Variants in EVC2 observed in about 807,000 individuals in gnomAD.
EVC2 encodes the protein limbin.
A neutral mutation model predicts 149.3 loss-of-function variants in EVC2; 148 were observed. The ratio of observed to expected loss-of-function variants is 0.99; its 90% confidence interval spans 0.87 to 1.14. The LOEUF (loss-of-function observed/expected upper bound fraction) is 1.14, where lower values mean the gene tolerates loss of function less well. Among genes scored for constraint, EVC2 ranks in the 50% most tolerant of loss-of-function variants. The probability of loss-of-function intolerance (pLI) is 0.00; values close to 1 mark genes in which losing one functional copy is unlikely to be tolerated. For missense variants in EVC2, 1,854 were observed against 1,627.3 expected, an observed-to-expected ratio of 1.14 and a Z score of -2.40; for synonymous variants, 776 against 649.9, an observed-to-expected ratio of 1.19 and a Z score of -2.95.
chr4:5,690,267 C>T (rs888228085), intron 4 of EVC2, among the ~76,000 whole-genome samples: 2 of 152,194 alleles, frequency 1.3e-5, no homozygotes, highest in African/African-American at 4.8e-5. Flanking sequence ...GAGGGTGGCA[C>T]AGGAAAGGCT....
Position 5,633,792 on chromosome 4 carries a change from C to A in EVC2, c.1471-1760G>T, listed in dbSNP as rs1474352096. Among the ~76,000 whole-genome samples the A allele has an allele frequency of 6.6e-6, 1 of 152,250 alleles. No individual in the cohort carries two copies. The highest frequency in any genetic ancestry group is 2.4e-5 in the African/African-American group (1 of 41,464). On this transcript the variant is annotated intron_variant, in intron 10 of 21. Coordinates refer to ENST00000344408, the MANE Select transcript of EVC2 (RefSeq NM_147127.5). This position sits in a 1 kb window ranked among gnomAD's most constrained non-coding sequence, Gnocchi z 4.4. ...CAAGGTTGGAATGCTCTATCACCCA[C>A]CAGAATTCTCTGGTTTCAGTAAATA...
At chr4:5,589,988 G>T (rs1446028291) in intron 16 of EVC2, among the ~76,000 whole-genome samples, 1 of 152,146 alleles carries the variant, frequency 6.6e-6, no homozygotes, top group Non-Finnish European at 1.5e-5. Flanking sequence ...AAGAGAAGGT[G>T]GAGGGGTCAG....
At chr4:5,705,794 T>C (rs1577280124) in intron 1 of EVC2, among the ~76,000 whole-genome samples, 2 of 151,990 alleles carry the variant, frequency 1.3e-5, no homozygotes, top group Admixed American at 6.6e-5. Context: ...ACTGTGAAAA[T>C]AGCTGTGACT....
chr4:5,615,692 G>T, intron 15 of EVC2, 148 bp from the exon 16 acceptor site: 3 of 1,178,798 alleles, frequency 2.5e-6, no homozygotes, highest in Middle Eastern at 2.5e-4. Context: ...GAGGAGAGAG[G>T]TATGTTCTTC....
At chr4:5,630,882 G>T (rs1177211816) in intron 11 of EVC2, among the ~76,000 whole-genome samples, 1 of 152,198 alleles carries the variant, frequency 6.6e-6, no homozygotes, top group South Asian at 2.1e-4. Context: ...ATAAGAGTTT[G>T]CTCACAATTA....
chr4:5,669,329 G>A lies in EVC2; in HGVS notation c.871-3680C>T, dbSNP rs868669884. 3.3e-5 allele frequency among the ~76,000 whole-genome samples: 5 copies of A among 152,292 alleles called. No homozygotes were observed. In the Middle Eastern group the frequency reaches 0.01, roughly 311 times the overall value. ...AATCTTCTGTAATCCTGTGGAACAC[G>A]TATCATCCCTGTTCTACTGATAGAC... On this transcript the variant is annotated intron_variant, in intron 7 of 21. Coordinates refer to ENST00000344408, the MANE Select transcript of EVC2 (RefSeq NM_147127.5).
chr4:5,556,304 G>A lies in EVC2; in HGVS notation c.3419+8954C>T, dbSNP rs189224434. ...TAAAGGGAAATAAACAGAATATAGC[G>A]TAATATATTCAGATTAAATAACACA... On this transcript the variant is annotated intron_variant and NMD_transcript_variant, in intron 21 of 22. Coordinates refer to the EVC2 transcript ENST00000475313. Among the ~76,000 whole-genome samples the A allele has an allele frequency of 8.1e-4, 123 of 151,128 alleles. 1 individual carries two copies. The highest frequency in any genetic ancestry group is 1.9e-3 in the Admixed American group (29 of 15,170).
chr4:5,658,068 T>G (rs1268784615), intron 9 of EVC2, among the ~76,000 whole-genome samples: 2 of 152,186 alleles, frequency 1.3e-5, no homozygotes, highest in Non-Finnish European at 2.9e-5. Context: ...CTGACCATAG[T>G]GTAGAATCAA....
At chr4:5,609,626 C>A (rs1438065086) in intron 16 of EVC2, among the ~76,000 whole-genome samples, 1 of 152,208 alleles carries the variant, frequency 6.6e-6, no homozygotes, top group Non-Finnish European at 1.5e-5. Context: ...TTAAAAGGCA[C>A]CTCACAAAAG....
At chr4:5,620,668 G>C (rs538728731) in intron 14 of EVC2, among the ~76,000 whole-genome samples, 1 of 152,122 alleles carries the variant, frequency 6.6e-6, no homozygotes, top group African/African-American at 2.4e-5. Context: ...ACTGTGAGTC[G>C]ATCCTCTTTA....
chr4:5,682,525 T>A (rs1022226361), intron 6 of EVC2, among the ~76,000 whole-genome samples: 19 of 150,828 alleles, frequency 1.3e-4, no homozygotes, highest in African/African-American at 4.6e-4. Context: ...TAAAATTTTT[T>A]AAAAGCAATA....
At chr4:5,664,674 G>A (rs1418187287) in intron 8 of EVC2, among the ~76,000 whole-genome samples, 1 of 152,146 alleles carries the variant, frequency 6.6e-6, no homozygotes, top group Non-Finnish European at 1.5e-5. Flanking sequence ...CCAGGCTGGG[G>A]TGGAATTTCC....
intron 1 of EVC2, among the ~76,000 whole-genome samples, chr4:5,698,838 GT>G (rs1364292161): frequency 1.3e-5 from 2 of 152,260 alleles, no homozygotes; most frequent in Admixed American, 6.5e-5. Context: ...AAGAAAGGAT[GT>G]GTATGTGAGT....
At chr4:5,547,614 C>G (rs1484730906) in intron 21 of EVC2, among the ~76,000 whole-genome samples, 1 of 152,186 alleles carries the variant, frequency 6.6e-6, no homozygotes, top group Non-Finnish European at 1.5e-5. Context: ...ATCAGGATGA[C>G]CAGCTGCAGA....
At chr4:5,703,976 CCT>C (rs1721985031) in intron 1 of EVC2, among the ~76,000 whole-genome samples, 5 of 152,108 alleles carry the variant, frequency 3.3e-5, no homozygotes. Flanking sequence ...GTGCAAGGGC[CCT>C]GAGGTGGGAA....
Position 5,682,500 on chromosome 4 carries a change from A to AT in EVC2, c.817-1188_817-1187insA, listed in dbSNP as rs529661829. Among the ~76,000 whole-genome samples, 430 of 150,324 alleles carry AT rather than the reference A, an allele frequency of 2.9e-3. 2 individuals carry two copies. Among genetic ancestry groups the AT allele is most frequent in the Non-Finnish European group, 4.3e-3 (290 of 67,674 alleles). On this transcript the variant is annotated intron_variant, in intron 6 of 21. Coordinates refer to ENST00000344408, the MANE Select transcript of EVC2 (RefSeq NM_147127.5). ...AGTGAAATGCTGTCTCAAAAAAAAA[A>AT]AATAATAATAATAATAAAATTTTTT...
intron 7 of EVC2, among the ~76,000 whole-genome samples, chr4:5,669,483 A>T (rs796071705): frequency 3.3e-5 from 5 of 152,286 alleles, no homozygotes; most frequent in African/African-American, 1.2e-4. Flanking sequence ...AGGGGGCTGT[A>T]TGTTTTTCTA....
chr4:5,706,204 C>A (rs1722121167), intron 1 of EVC2, among the ~76,000 whole-genome samples: 1 of 151,764 alleles, frequency 6.6e-6, no homozygotes, highest in Non-Finnish European at 1.5e-5. Context: ...GCTCCCCATC[C>A]TCCTCCTCAC....
At chr4:5,617,638 GGA>G (rs1715357324) in intron 15 of EVC2, among the ~76,000 whole-genome samples, 1 of 152,186 alleles carries the variant, frequency 6.6e-6, no homozygotes, top group East Asian at 1.9e-4. Context: ...GAATGCCTAG[GGA>G]GAGGGTAATT....
Sources: gnomAD v4.1 joint callset for allele counts (sites outside exome capture counted in the v4.1 genomes callset) on GRCh38, gnomAD v4.1.1 for gene constraint, Gnocchi (gnomAD v3.1) non-coding constraint, MANE v1.5 for transcripts, NCBI Gene and HGNC (gene_info 2026-07-23, HGNC 2026-07-21) for gene names.